Variants in ROBO2 observed in about 807,000 individuals in gnomAD.
The protein encoded by ROBO2 is roundabout homolog 2.
In ROBO2, 53 loss-of-function variants were observed where a neutral mutation model predicts 160.8. The observed-to-expected ratio is 0.33, with a 90% CI of 0.26 to 0.41. The LOEUF (loss-of-function observed/expected upper bound fraction) is 0.41. ROBO2 is among the 10% of genes least tolerant of loss of function. The pLI is 1.00. For synonymous variants in ROBO2, 664 were observed against 611.7 expected, an observed-to-expected ratio of 1.09 and a Z score of -1.26; for missense variants, 1,577 against 1,722.4, an observed-to-expected ratio of 0.92 and a Z score of 1.49.
chr3:77,050,871 A>G (rs567126176), intron 1 of ROBO2, among the ~76,000 whole-genome samples: 1 of 151,748 alleles, frequency 6.6e-6, no homozygotes, highest in Non-Finnish European at 1.5e-5. Context: ...AAAAAAAATT[A>G]GCTGGGCATG....
chr3:76,562,486 T>C (rs1431227754), intron 2 of ROBO2, among the ~76,000 whole-genome samples: 1 of 151,710 alleles, frequency 6.6e-6, no homozygotes, highest in Non-Finnish European at 1.5e-5. Flanking sequence ...ATTCTTTTCA[T>C]TGTGTCTGTT....
chr3:76,623,951 T>G (rs1043871919), intron 2 of ROBO2, among the ~76,000 whole-genome samples: 2 of 152,102 alleles, frequency 1.3e-5, no homozygotes, highest in Admixed American at 6.6e-5. Context: ...TTAGTATAAC[T>G]TATATATTTT....
chr3:76,585,596 G>T (rs190468673), intron 2 of ROBO2, among the ~76,000 whole-genome samples: 2 of 152,096 alleles, frequency 1.3e-5, no homozygotes, highest in Non-Finnish European at 2.9e-5. Flanking sequence ...GAGAACAACT[G>T]ATATAATCCA....
chr3:77,445,195 C>A (rs1439552563), intron 2 of ROBO2, among the ~76,000 whole-genome samples: 1 of 152,100 alleles, frequency 6.6e-6, no homozygotes, highest in Non-Finnish European at 1.5e-5. Flanking sequence ...TGGCCCACAG[C>A]ATCATTAGCC....
chr3:75,975,126 AT>A (rs768756892), intron 2 of ROBO2, among the ~76,000 whole-genome samples: 14 of 151,676 alleles, frequency 9.2e-5, no homozygotes, highest in South Asian at 2.1e-4. Flanking sequence ...TTGGCTAGAT[AT>A]AAAATAGTTG....
chr3:76,182,461 A>G (rs375622078), intron 2 of ROBO2, among the ~76,000 whole-genome samples: 3 of 152,156 alleles, frequency 2.0e-5, no homozygotes, highest in East Asian at 1.9e-4. Context: ...ACATGAAAGT[A>G]GGCTCAATTC....
intron 2 of ROBO2, among the ~76,000 whole-genome samples, chr3:76,298,741 G>A (rs147532128): frequency 0.013 from 1,917 of 152,148 alleles, 37 homozygotes; most frequent in African/African-American, 0.044. Flanking sequence ...CCAAGATTCC[G>A]CCATTGGTTA....
intron 23 of ROBO2, among the ~76,000 whole-genome samples, chr3:77,623,450 T>C (rs1255071587): frequency 6.6e-6 from 1 of 152,230 alleles, no homozygotes; most frequent in Admixed American, 6.5e-5. Context: ...CTACAAACAC[T>C]GATGGGAACT....
At chr3:76,339,426 T>C (rs1576529021) in intron 2 of ROBO2, among the ~76,000 whole-genome samples, 1 of 152,130 alleles carries the variant, frequency 6.6e-6, no homozygotes, top group Admixed American at 6.6e-5. Flanking sequence ...ATAAGATATA[T>C]TGGAAACCAT....
Position 77,419,108 on chromosome 3 carries a change from G to A in ROBO2, c.389-58306G>A, listed in dbSNP as rs78637522. Among the ~76,000 whole-genome samples, 84 of 152,164 alleles carry A rather than the reference G, an allele frequency of 5.5e-4. No individual in the cohort carries two copies. In the East Asian group the frequency reaches 0.013, roughly 24 times the overall value. ...TGAAAAATAATAGTTTCTCACTATT[G>A]TTTCAATTTATTTTAGAAGCAGAGA... On this transcript the variant is annotated intron_variant, in intron 2 of 25. Transcript: ENST00000461745.
intron 2 of ROBO2, among the ~76,000 whole-genome samples, chr3:76,449,707 A>G (rs995160066): frequency 4.6e-5 from 7 of 152,136 alleles, no homozygotes; most frequent in African/African-American, 7.2e-5. Context: ...TTTAGACTTT[A>G]CTTCTGCATC....
intron 2 of ROBO2, among the ~76,000 whole-genome samples, chr3:77,230,688 C>T (rs926342819): frequency 6.6e-6 from 1 of 152,096 alleles, no homozygotes; most frequent in Non-Finnish European, 1.5e-5. Flanking sequence ...AATGAAAATA[C>T]TGTAAGGTTG....
chr3:77,141,969 G>C (rs1172929582), intron 2 of ROBO2, among the ~76,000 whole-genome samples: 1 of 152,106 alleles, frequency 6.6e-6, no homozygotes, highest in Admixed American at 6.6e-5. Context: ...GTAACCAAAG[G>C]CTGCATACTC....
chr3:77,408,382 CT>C (rs1188475072), intron 2 of ROBO2, among the ~76,000 whole-genome samples: 1 of 152,034 alleles, frequency 6.6e-6, no homozygotes, highest in African/African-American at 2.4e-5. Context: ...AAAGCATGTG[CT>C]TTTTTATTAC....
At chr3:77,267,186 T>C (rs1421661158) in intron 2 of ROBO2, among the ~76,000 whole-genome samples, 2 of 152,204 alleles carry the variant, frequency 1.3e-5, no homozygotes, top group African/African-American at 4.8e-5. Flanking sequence ...CTAGTTTGTA[T>C]GCTGTTTCAA....
At chr3:76,095,730 C>T (rs922145299) in intron 2 of ROBO2, among the ~76,000 whole-genome samples, 1 of 149,002 alleles carries the variant, frequency 6.7e-6, no homozygotes, top group African/African-American at 2.5e-5. Flanking sequence ...GAATTATATA[C>T]AAGACACATA....
At chr3:76,676,819 T>C (rs1273586426) in intron 2 of ROBO2, among the ~76,000 whole-genome samples, 1 of 152,114 alleles carries the variant, frequency 6.6e-6, no homozygotes, top group African/African-American at 2.4e-5. Flanking sequence ...AGGTAACATC[T>C]GTTCCCAGGC....
intron 2 of ROBO2, among the ~76,000 whole-genome samples, chr3:77,293,800 G>T (rs1307310082): frequency 1.5e-4 from 22 of 142,024 alleles, no homozygotes; most frequent in Non-Finnish European, 2.6e-4. Context: ...GGAAGTTGAG[G>T]CTAGAACAGT....
At chr3:77,014,938 G>C (rs1273483276) in intron 2 of ROBO2, among the ~76,000 whole-genome samples, 1 of 151,814 alleles carries the variant, frequency 6.6e-6, no homozygotes, top group African/African-American at 2.4e-5. Flanking sequence ...AAAAATCATA[G>C]ATTAAAATTA....
Sources: gnomAD v4.1 joint callset for allele counts (sites outside exome capture counted in the v4.1 genomes callset) on GRCh38, gnomAD v4.1.1 for gene constraint, MANE v1.5 for transcripts, NCBI Gene and HGNC (gene_info 2026-07-23, HGNC 2026-07-21) for gene names.